GAB2: variants seen among roughly 807,000 people sequenced by gnomAD.
GAB2 encodes GRB2-associated-binding protein 2.
In GAB2, 26 loss-of-function variants were observed where a neutral mutation model predicts 65.5. That is an observed-to-expected ratio of 0.40 (90% CI 0.29 to 0.55). The LOEUF is 0.55. GAB2 is among the 20% of genes least tolerant of loss of function. The pLI is 0.53. For synonymous variants in GAB2, 321 were observed against 329.6 expected (o/e 0.97, Z 0.28); for missense variants, 884 against 875.8 (o/e 1.01, Z -0.12).
At chr11:78,309,674 A>G (rs74444447) in intron 1 of GAB2, among the ~76,000 whole-genome samples, 7,137 of 152,012 alleles carry the variant, frequency 0.047, 544 homozygotes, top group African/African-American at 0.16. Context: ...CAGAGCAACA[A>G]TGATATTCAA....
chr11:78,219,959 G>C (rs1590935279), intron 9 of GAB2, among the ~76,000 whole-genome samples: 1 of 152,092 alleles, frequency 6.6e-6, no homozygotes, highest in African/African-American at 2.4e-5. Flanking sequence ...CAGGGCTCTG[G>C]ACCCACTCGA....
chr11:78,361,499 A>C lies in GAB2; in HGVS notation c.75+56147T>G, dbSNP rs529976112. Reference sequence around the variant, plus strand: ...AGTCATAAATATTTCGCTAAAATTCACAATTCCTATTACAAAGGGCTAATC... The same window carrying C: ...AGTCATAAATATTTCGCTAAAATTCCCAATTCCTATTACAAAGGGCTAATC... On this transcript the variant is annotated intron_variant, in intron 1 of 9. Transcript: ENST00000361507. Among the ~76,000 whole-genome samples the C allele has an allele frequency of 6.6e-5, 10 of 151,246 alleles. No homozygotes were observed. In the South Asian group the frequency reaches 1.4e-3, roughly 22 times the overall value.
intron 1 of GAB2, among the ~76,000 whole-genome samples, chr11:78,365,420 G>C (rs1289985480): frequency 6.6e-6 from 1 of 152,308 alleles, no homozygotes; most frequent in Non-Finnish European, 1.5e-5. Context: ...CACCTGCTCT[G>C]GGATTTAGAG....
intron 2 of GAB2, among the ~76,000 whole-genome samples, chr11:78,272,349 T>C (rs895931752): frequency 5.3e-5 from 8 of 152,194 alleles, no homozygotes; most frequent in African/African-American, 1.7e-4. Flanking sequence ...AAAGTGATAA[T>C]AGCGACATGG....
At chr11:78,299,044 G>A (rs1479089036) in intron 1 of GAB2, among the ~76,000 whole-genome samples, 1 of 152,184 alleles carries the variant, frequency 6.6e-6, no homozygotes, top group Non-Finnish European at 1.5e-5. Context: ...ATTCAGATCA[G>A]TAGGTCTGGA....
intron 1 of GAB2, among the ~76,000 whole-genome samples, chr11:78,412,951 T>C (rs926022947): frequency 1.3e-5 from 2 of 152,180 alleles, no homozygotes; most frequent in African/African-American, 4.8e-5. Flanking sequence ...ATACCACTAA[T>C]GGGTTTTGGT....
intron 3 of GAB2, among the ~76,000 whole-genome samples, chr11:78,238,411 C>A (rs1179676145): frequency 6.6e-6 from 1 of 150,632 alleles, no homozygotes; most frequent in African/African-American, 2.4e-5. Flanking sequence ...GCAGGAGGAT[C>A]TTGAGCCCAG....
chr11:78,227,278 C>T lies in GAB2; in HGVS notation c.621-227G>A, dbSNP rs532953934. Among the ~76,000 whole-genome samples, 8 of 152,244 alleles carry T rather than the reference C, an allele frequency of 5.3e-5. No individual in the cohort carries two copies. In the South Asian group the frequency reaches 1.7e-3, roughly 32 times the overall value. ...GCAGTTAATAGCAGGGGTTATAACCCCCACTCCCTGAACAAGTATCAATAA... is the reference window on the plus strand; with the variant it reads ...GCAGTTAATAGCAGGGGTTATAACCTCCACTCCCTGAACAAGTATCAATAA... On this transcript the variant is annotated intron_variant, in intron 3 of 9. Transcript: ENST00000361507.
intron 1 of GAB2, among the ~76,000 whole-genome samples, chr11:78,290,606 C>T (rs747592039): frequency 3.3e-5 from 5 of 152,138 alleles, no homozygotes; most frequent in Non-Finnish European, 5.9e-5. Context: ...TGTTATGCTC[C>T]CTTCTGGTGA....
At chr11:78,312,457 G>A (rs1027499047) in intron 1 of GAB2, among the ~76,000 whole-genome samples, 1 of 152,136 alleles carries the variant, frequency 6.6e-6, no homozygotes, top group Admixed American at 6.6e-5. Context: ...ACGGAGTCTC[G>A]CTCTGTCGCC....
intron 1 of GAB2, among the ~76,000 whole-genome samples, chr11:78,411,181 A>G (rs1019157838): frequency 2.0e-5 from 3 of 151,738 alleles, no homozygotes; most frequent in Non-Finnish European, 2.9e-5. Flanking sequence ...TGGTGGAAGG[A>G]GAAGAAAATA....
chr11:78,405,387 C>T (rs1305196342), intron 1 of GAB2, among the ~76,000 whole-genome samples: 3 of 152,176 alleles, frequency 2.0e-5, no homozygotes, highest in Non-Finnish European at 4.4e-5. Flanking sequence ...GCGTGAGCCA[C>T]CACGCCTGGC....
chr11:78,273,052 A>T (rs1367090798), intron 2 of GAB2, among the ~76,000 whole-genome samples: 1 of 152,252 alleles, frequency 6.6e-6, no homozygotes, highest in African/African-American at 2.4e-5. Context: ...CAGAGGATGT[A>T]TGGAAGTATG....
chr11:78,270,554 A>G (rs1394222433), intron 2 of GAB2, among the ~76,000 whole-genome samples: 2 of 152,170 alleles, frequency 1.3e-5, no homozygotes, highest in African/African-American at 4.8e-5. Context: ...ATCATCACTT[A>G]GTGCCTTTAA....
intron 6 of GAB2, 132 bp from the exon 7 acceptor site, chr11:78,222,327 G>A (rs942794962): frequency 1.7e-5 from 11 of 648,030 alleles, no homozygotes; most frequent in Admixed American, 1.6e-4. Context: ...GGAAACTGAC[G>A]CTCAGCGAGG....
rs534814220 is a variant in GAB2 at position 78,383,581 on chromosome 11, C to CAAAAAAAAAAAAAAAAAAAAAAAAAAAA, written c.75+34064_75+34065insTTTTTTTTTTTTTTTTTTTTTTTTTTTT. Among the ~76,000 whole-genome samples, 180 of 55,458 alleles carry CAAAAAAAAAAAAAAAAAAAAAAAAAAAA rather than the reference C, an allele frequency of 3.2e-3. 1 individual carries two copies. Among genetic ancestry groups the CAAAAAAAAAAAAAAAAAAAAAAAAAAAA allele is most frequent in the East Asian group, 4.7e-3 (8 of 1,704 alleles). 36.4% of individuals were successfully genotyped at this position (55,458 alleles called of 152,430 possible). ...GCAACATGGCAAAACCCTGTCTCTC[C>CAAAAAAAAAAAAAAAAAAAAAAAAAAAA]AAAAAAAAAAAAAAAAAAATACAAA... On this transcript the variant is annotated intron_variant, in intron 1 of 9. Coordinates refer to ENST00000361507, the MANE Select transcript of GAB2 (RefSeq NM_080491.3).
chr11:78,263,949 A>C (rs1441256113), intron 2 of GAB2, among the ~76,000 whole-genome samples: 4 of 151,204 alleles, frequency 2.6e-5, no homozygotes, highest in South Asian at 2.1e-4. Context: ...AGCAATAAAC[A>C]TAACTTCTGG....
intron 1 of GAB2, among the ~76,000 whole-genome samples, chr11:78,309,926 A>ATGTGTGTGTGTGTGTGTGTG (rs60718900): frequency 1.2e-4 from 16 of 135,700 alleles, no homozygotes; most frequent in African/African-American, 4.5e-4. Context: ...AGGGTTAGAA[A>ATGTGTGTGTGTGTGTGTGTG]TGTGTGTGTG....
chr11:78,341,924 A>G (rs1591051985), intron 1 of GAB2: 1 of 980,120 alleles, frequency 1.0e-6, no homozygotes. Context: ...ATGTTTAAAA[A>G]TGCCTCAGAA....
Sources: gnomAD v4.1 joint callset for allele counts (sites outside exome capture counted in the v4.1 genomes callset) on GRCh38, gnomAD v4.1.1 for gene constraint, MANE v1.5 for transcripts, NCBI Gene and HGNC (gene_info 2026-07-23, HGNC 2026-07-21) for gene names.